Variants in ECE1 observed in about 807,000 individuals in gnomAD.
ECE1 encodes the protein endothelin converting enzyme 1.
In ECE1, 35 loss-of-function variants were observed where a neutral mutation model predicts 98.6. The ratio of observed to expected loss-of-function variants is 0.35; its 90% CI spans 0.27 to 0.47. The LOEUF is 0.47. Among genes scored for constraint, ECE1 ranks in the 20% least tolerant of loss-of-function variants. The pLI is 1.00. For missense variants in ECE1, 814 were observed against 1,025.3 expected (o/e 0.79, Z 2.81); for synonymous variants, 394 against 407.1 (o/e 0.97, Z 0.39).
At chr1:21,253,224 T>C (rs1006637873) in intron 8 of ECE1, among the ~76,000 whole-genome samples, 1 of 151,748 alleles carries the variant, frequency 6.6e-6, no homozygotes, top group Non-Finnish European at 1.5e-5. Flanking sequence ...ACCCGGCTAA[T>C]TTTTGTATTT....
At chr1:21,221,071 T>C (rs1296857607) in intron 18 of ECE1, among the ~76,000 whole-genome samples, 1 of 152,232 alleles carries the variant, frequency 6.6e-6, no homozygotes, top group African/African-American at 2.4e-5. Context: ...TTGGATTTAG[T>C]CCAGATCTCT....
chr1:21,313,730 A>G (rs1030451083), intron 1 of ECE1, among the ~76,000 whole-genome samples: 4 of 152,134 alleles, frequency 2.6e-5, no homozygotes, highest in African/African-American at 9.7e-5. Context: ...CTCTCTGAGC[A>G]TGTGTTCTCA....
intron 4 of ECE1, among the ~76,000 whole-genome samples, chr1:21,265,876 C>T (rs1295203091): frequency 6.6e-6 from 1 of 152,172 alleles, no homozygotes; most frequent in Admixed American, 6.5e-5. Flanking sequence ...TTGGAGACAG[C>T]AGCACTTCTG....
rs1430349267 is a variant in ECE1, at chr1:21,236,856, C to T, written c.1390-12G>A. On this transcript the variant is annotated splice_polypyrimidine_tract_variant and intron_variant, in intron 11 of 18. Transcript: ENST00000374893. ...ATGATCTCGGTGGCCTGAGGAGATA[C>T]ACATCACAGCAGTAAGGTCTGCGCA... 9 of 1,609,560 alleles carry T rather than the reference C, an allele frequency of 5.6e-6. No homozygotes were observed. In the East Asian group the frequency reaches 1.6e-4, roughly 28 times the overall value.
intron 1 of ECE1, among the ~76,000 whole-genome samples, chr1:21,330,107 G>C (rs796855138): frequency 2.1e-5 from 3 of 144,566 alleles, no homozygotes; most frequent in African/African-American, 7.9e-5. Flanking sequence ...GCCTTTAAAG[G>C]CTCCTGCCCA....
At chr1:21,223,438 G>A (rs1247722878) in intron 17 of ECE1, among the ~76,000 whole-genome samples, 2 of 151,884 alleles carry the variant, frequency 1.3e-5, no homozygotes, top group Admixed American at 1.3e-4. Context: ...ACAGGCATGC[G>A]TCACCACACT....
chr1:21,263,361 ATT>A (rs34915173), intron 4 of ECE1, among the ~76,000 whole-genome samples: 2 of 128,198 alleles, frequency 1.6e-5, no homozygotes, highest in Non-Finnish European at 3.5e-5. Flanking sequence ...TTTTATATTT[ATT>A]TTTTTTTTTT....
rs1429739128 is a variant in ECE1 at position 21,228,035 on chromosome 1, G to C, written c.1677C>G (p.Ser559Arg). The C allele has an allele frequency of 6.4e-6, 10 of 1,560,020 alleles. No homozygotes were observed. The highest frequency in any genetic ancestry group is 2.7e-5 in the African/African-American group (2 of 73,472). Reference protein sequence around the residue: ...LRKAPNRDQWSMTPPMVNAYY... With the variant: ...LRKAPNRDQWRMTPPMVNAYY... ...AGGCGTTCACCATGGGCGGGGTCAT[G>C]CTCCACCTGCAAGCAACACACATGC... The change falls in exon 15 of 19, where the codon AGC becomes AGG. Residue 559 changes from serine to arginine, a missense_variant. Coordinates refer to ENST00000374893, the MANE Select transcript of ECE1 (RefSeq NM_001397.3).
intron 3 of ECE1, among the ~76,000 whole-genome samples, chr1:21,276,986 G>C (rs2098248053): frequency 1.3e-5 from 2 of 152,114 alleles, no homozygotes; most frequent in Admixed American, 6.5e-5. Context: ...CCAAAGTGCT[G>C]GGATTACAGG....
chr1:21,295,854 G>C (rs1240284603), intron 1 of ECE1, among the ~76,000 whole-genome samples: 1 of 152,186 alleles, frequency 6.6e-6, no homozygotes, highest in African/African-American at 2.4e-5. Context: ...AGGTTTCCTG[G>C]CTCATGTGAC....
At chr1:21,335,210 C>CA (rs1448188380) in intron 1 of ECE1, among the ~76,000 whole-genome samples, 2 of 152,102 alleles carry the variant, frequency 1.3e-5, no homozygotes, top group Non-Finnish European at 2.9e-5. Flanking sequence ...CCTCAACCTT[C>CA]ATGTCCCAGC....
At chr1:21,249,054 T>C (rs2098208289) in intron 8 of ECE1, among the ~76,000 whole-genome samples, 1 of 152,144 alleles carries the variant, frequency 6.6e-6, no homozygotes, top group African/African-American at 2.4e-5. Context: ...TTTGTTAGGA[T>C]TCTGATTACA....
rs184179978 is a variant in ECE1 at position 21,231,119 on chromosome 1, C to T, written c.1670+2439G>A. ...CTGGGATTACAGACGTGAGCCACCGCGCCCAGCAATAATTTTTTTGAGTGT... is the reference window on the plus strand; with the variant it reads ...CTGGGATTACAGACGTGAGCCACCGTGCCCAGCAATAATTTTTTTGAGTGT... On this transcript the variant is annotated intron_variant, in intron 14 of 18. Coordinates refer to ENST00000374893, the MANE Select transcript of ECE1 (RefSeq NM_001397.3). 3.8e-3 allele frequency among the ~76,000 whole-genome samples: 584 copies of T among 151,922 alleles called. 4 individuals are homozygous for T. The highest frequency in any genetic ancestry group is 4.9e-3 in the Non-Finnish European group (334 of 67,922).
intron 16 of ECE1, among the ~76,000 whole-genome samples, chr1:21,226,241 A>T (rs2098174061): frequency 6.6e-6 from 1 of 152,200 alleles, no homozygotes; most frequent in South Asian, 2.1e-4. Flanking sequence ...GGAGTGGTGG[A>T]GGAATGTCCA....
At chr1:21,305,744 G>A (rs1638580823) in intron 1 of ECE1, among the ~76,000 whole-genome samples, 1 of 152,202 alleles carries the variant, frequency 6.6e-6, no homozygotes. Context: ...TGTGGGTTTG[G>A]GAGGGAGGGC....
At chr1:21,312,667 G>A (rs542910577) in intron 1 of ECE1, among the ~76,000 whole-genome samples, 1 of 152,170 alleles carries the variant, frequency 6.6e-6, no homozygotes, top group South Asian at 2.1e-4. Context: ...GACACAGCAC[G>A]TGTCCCATGT....
At position 21,307,559 on chromosome 1, in the gene ECE1, G is replaced by C. The variant is rs1048121366; in HGVS notation, c.4-17403C>G. Among the ~76,000 whole-genome samples the C allele has an allele frequency of 6.6e-6, 1 of 152,200 alleles. No individual in the cohort carries two copies. Among genetic ancestry groups the C allele is most frequent in the Non-Finnish European group, 1.5e-5 (1 of 68,022 alleles). ...TCACTACAGTCATTGATGTGAGGAC[G>C]TCAGCAGCAGAGGGGCCTCCAGAGG... On this transcript the variant is annotated intron_variant, in intron 1 of 18. Coordinates refer to the ECE1 transcript ENST00000415912. This position sits in a 1 kb window ranked among gnomAD's most constrained non-coding sequence, Gnocchi z 4.2.
chr1:21,264,872 C>G (rs2098231891), intron 4 of ECE1, among the ~76,000 whole-genome samples: 1 of 152,198 alleles, frequency 6.6e-6, no homozygotes, highest in Non-Finnish European at 1.5e-5. Context: ...CTGCCCCACA[C>G]TCTTCCCCAT....
chr1:21,244,231 G>A (rs1416620002), intron 10 of ECE1, among the ~76,000 whole-genome samples: 4 of 152,106 alleles, frequency 2.6e-5, no homozygotes, highest in Admixed American at 6.5e-5. Context: ...TCTGGGGCCC[G>A]AGCGTGATGT....
Sources: gnomAD v4.1 joint callset for allele counts (sites outside exome capture counted in the v4.1 genomes callset) on GRCh38, gnomAD v4.1.1 for gene constraint, Gnocchi (gnomAD v3.1) non-coding constraint, MANE v1.5 for transcripts, NCBI Gene and HGNC (gene_info 2026-07-23, HGNC 2026-07-21) for gene names.